Variants in STARD13 observed in about 807,000 individuals in gnomAD.
The protein encoded by STARD13 is stAR-related lipid transfer protein 13.
In STARD13, 62 loss-of-function variants were observed where a neutral mutation model predicts 106.4. The observed-to-expected ratio is 0.58, with a 90% CI of 0.48 to 0.72. STARD13 has a LOEUF of 0.72. Ranked by LOEUF, STARD13 falls within the 30% of genes least tolerant of loss-of-function variation. The probability of loss-of-function intolerance (pLI) is 0.00; values close to 1 mark genes in which losing one functional copy is unlikely to be tolerated. For synonymous variants in STARD13, 565 were observed against 553.0 expected, an observed-to-expected ratio of 1.02 and a Z score of -0.31; for missense variants, 1,387 against 1,424.0, an observed-to-expected ratio of 0.97 and a Z score of 0.42.
intron 1 of STARD13, chr13:33,186,080 G>C: frequency 6.3e-7 from 1 of 1,596,390 alleles, no homozygotes; most frequent in Middle Eastern, 1.7e-4. Flanking sequence ...CATGTTTCCG[G>C]TTGCTAACAG....
the STARD13 span, among the ~76,000 whole-genome samples, chr13:33,634,732 C>G: frequency 6.6e-6 from 1 of 152,164 alleles, no homozygotes; most frequent in Admixed American, 6.5e-5. Flanking sequence ...CACACACACA[C>G]AGTTTTCTTC....
the STARD13 span, among the ~76,000 whole-genome samples, chr13:33,606,184 C>G: frequency 2.6e-5 from 4 of 152,080 alleles, no homozygotes; most frequent in African/African-American, 9.7e-5. Flanking sequence ...ATCTGTAATC[C>G]TAGCTACTCA....
chr13:33,167,009 A>AAC (rs1308883225), intron 2 of STARD13, among the ~76,000 whole-genome samples: 2 of 151,674 alleles, frequency 1.3e-5, no homozygotes, highest in East Asian at 3.9e-4. Context: ...AAAACAAAAA[A>AAC]AAAACCAAAA....
chr13:33,220,772 G>C (rs775842132), intron 1 of STARD13, among the ~76,000 whole-genome samples: 12 of 152,124 alleles, frequency 7.9e-5, no homozygotes, highest in Non-Finnish European at 1.3e-4. Context: ...AAGTCATCCA[G>C]GTTCTGATTC....
chr13:33,127,383 C>T lies in STARD13; in HGVS notation c.1912G>A (p.Gly638Ser), dbSNP rs777811427. The change falls in exon 6 of 14, where the codon GGC becomes AGC. Residue 638 changes from glycine (G) to serine (S), a missense_variant. By Grantham distance (56) the Gly-to-Ser change is moderately conservative. Transcript: ENST00000336934. ...MEKHSMSNKH[G>S]WTWSVPKFMK... ...GAATGTGCTACGCACCATGTCCAGC[C>T]GTGCTTGTTGGACATGGAGTGCTTC... 1.3e-5 allele frequency: 21 copies of T among 1,598,516 alleles called. No individual in the cohort carries two copies. In the South Asian group the frequency reaches 1.4e-4, roughly 11 times the overall value.
intron 1 of STARD13, among the ~76,000 whole-genome samples, chr13:33,297,003 T>C (rs948753925): frequency 1.3e-5 from 2 of 152,362 alleles, no homozygotes; most frequent in African/African-American, 4.8e-5. Flanking sequence ...CTTAGCATAA[T>C]GTCCTCCAGG....
At chr13:33,645,140 T>C in the STARD13 span, among the ~76,000 whole-genome samples, 3 of 152,120 alleles carry the variant, frequency 2.0e-5, no homozygotes, top group Admixed American at 2.0e-4. Context: ...TTGTGACTTA[T>C]GTTGACTGAT....
the STARD13 span, among the ~76,000 whole-genome samples, chr13:33,397,890 G>A: frequency 3.3e-5 from 5 of 152,334 alleles, no homozygotes; most frequent in East Asian, 9.6e-4. Context: ...AAGGATGAGA[G>A]GTCTCTCTCT....
At chr13:33,663,723 A>T in the STARD13 span, among the ~76,000 whole-genome samples, 8,813 of 152,246 alleles carry the variant, frequency 0.058, 876 homozygotes, top group African/African-American at 0.2. Flanking sequence ...TCAGAAAAAA[A>T]TAGACACTGA....
At chr13:33,193,653 C>T (rs1375422581) in intron 1 of STARD13, among the ~76,000 whole-genome samples, 1 of 152,208 alleles carries the variant, frequency 6.6e-6, no homozygotes, top group Non-Finnish European at 1.5e-5. Flanking sequence ...AGCCCAATGC[C>T]TCCCACCTTT....
the STARD13 span, among the ~76,000 whole-genome samples, chr13:33,417,536 T>A: frequency 6.6e-6 from 1 of 152,190 alleles, no homozygotes; most frequent in Non-Finnish European, 1.5e-5. Context: ...CACAAACTGA[T>A]GAACAGATCA....
intron 1 of STARD13, among the ~76,000 whole-genome samples, chr13:33,295,410 A>G (rs1892450291): frequency 6.6e-6 from 1 of 152,208 alleles, no homozygotes; most frequent in Admixed American, 6.5e-5. Flanking sequence ...GAGTTAAGAG[A>G]AATAATTTAA....
At chr13:33,120,592 G>A (rs1435294561) in intron 7 of STARD13, among the ~76,000 whole-genome samples, 1 of 152,120 alleles carries the variant, frequency 6.6e-6, no homozygotes, top group Non-Finnish European at 1.5e-5. Flanking sequence ...GGTTTCTGTG[G>A]ATTTTTGTTG....
At chr13:33,205,582 TA>T (rs1887360320) in intron 1 of STARD13, among the ~76,000 whole-genome samples, 1 of 152,228 alleles carries the variant, frequency 6.6e-6, no homozygotes, top group Non-Finnish European at 1.5e-5. Context: ...TCTCTGAGAT[TA>T]AATAAAAGTA....
chr13:33,506,473 C>A, the STARD13 span, among the ~76,000 whole-genome samples: 1 of 152,148 alleles, frequency 6.6e-6, no homozygotes, highest in Admixed American at 6.6e-5. Context: ...TTTGTATTCA[C>A]CACTGTGAGC....
the STARD13 span, among the ~76,000 whole-genome samples, chr13:33,650,426 G>A: frequency 6.6e-6 from 1 of 151,504 alleles, no homozygotes; most frequent in African/African-American, 2.4e-5. Flanking sequence ...TCCTGACCTC[G>A]TGATCCGCCC....
the STARD13 span, among the ~76,000 whole-genome samples, chr13:33,355,842 GT>G: frequency 6.6e-6 from 1 of 152,196 alleles, no homozygotes; most frequent in East Asian, 1.9e-4. Flanking sequence ...GAATCTGCCA[GT>G]CTTTGAATGC....
upstream of STARD13, chr13:33,355,262 A>G (rs1258467455): frequency 2.0e-5 from 3 of 152,054 alleles, no homozygotes; most frequent in Non-Finnish European, 4.4e-5. Flanking sequence ...AATGCCAACA[A>G]CTCTGCAATT....
At chr13:33,628,145 T>TAA in the STARD13 span, among the ~76,000 whole-genome samples, 2 of 78,396 alleles carry the variant, frequency 2.6e-5, no homozygotes, top group Non-Finnish European at 4.9e-5. Flanking sequence ...CTCTCTCTTG[T>TAA]AAAACACACA....
Sources: gnomAD v4.1 joint callset for allele counts (sites outside exome capture counted in the v4.1 genomes callset) on GRCh38, gnomAD v4.1.1 for gene constraint, MANE v1.5 for transcripts, NCBI Gene and HGNC (gene_info 2026-07-23, HGNC 2026-07-21) for gene names.